The following SNX30 variants were observed in gnomAD, a reference collection of about 807,000 sequenced individuals.
SNX30 encodes sorting nexin family member 30.
Under a neutral mutation model 46.4 loss-of-function variants are expected in SNX30, and 24 were observed. The observed-to-expected ratio is 0.52, with a 90% CI of 0.37 to 0.73. The LOEUF (loss-of-function observed/expected upper bound fraction) is 0.73, where lower values mean the gene tolerates loss of function less well. Ranked by LOEUF, SNX30 falls within the 30% of genes least tolerant of loss-of-function variation. The pLI is 0.00. For synonymous variants in SNX30, 189 were observed against 211.5 expected, an observed-to-expected ratio of 0.89 and a Z score of 0.92; for missense variants, 533 against 555.7, an observed-to-expected ratio of 0.96 and a Z score of 0.41.
At chr9:112,798,032 C>T (rs1840139004) in intron 1 of SNX30, among the ~76,000 whole-genome samples, 1 of 151,022 alleles carries the variant, frequency 6.6e-6, no homozygotes, top group South Asian at 2.1e-4. Context: ...TAATGTTTAC[C>T]TGGGCCCACG....
chr9:112,806,516 T>C (rs1163648652), intron 2 of SNX30, among the ~76,000 whole-genome samples: 3 of 152,194 alleles, frequency 2.0e-5, no homozygotes, highest in East Asian at 1.9e-4. Context: ...GTGTCTTTTT[T>C]CTTTTTCATT....
At chr9:112,786,374 G>T (rs558501904) in intron 1 of SNX30, among the ~76,000 whole-genome samples, 1 of 152,212 alleles carries the variant, frequency 6.6e-6, no homozygotes, top group South Asian at 2.1e-4. Context: ...GCCTGCTGTA[G>T]CCTCCCAAAG....
At chr9:112,758,528 C>G (rs1413841624) in intron 1 of SNX30, among the ~76,000 whole-genome samples, 3 of 152,026 alleles carry the variant, frequency 2.0e-5, no homozygotes, top group Non-Finnish European at 2.9e-5. Flanking sequence ...TGGGGTTTCG[C>G]CATGTTGGCC....
intron 3 of SNX30, among the ~76,000 whole-genome samples, chr9:112,818,756 A>G (rs1840444854): frequency 6.6e-6 from 1 of 151,986 alleles, no homozygotes; most frequent in South Asian, 2.1e-4. Context: ...TTTTCCCCCC[A>G]TGGTTAGAAG....
chr9:112,797,734 G>T (rs2131396959), intron 1 of SNX30, among the ~76,000 whole-genome samples: 1 of 130,392 alleles, frequency 7.7e-6, no homozygotes, highest in East Asian at 2.2e-4. Flanking sequence ...TTTTGAGATG[G>T]AGTCTTGCTC....
rs534371485 is a variant in SNX30, at chr9:112,861,057, A to C, written c.1102-3190A>C. Reference sequence around the variant, plus strand: ...ATTGCAAGAGTGCAACAGGCAGATCAGCAGGAAGGGAGCTGACTGCCCAGA... The same window carrying C: ...ATTGCAAGAGTGCAACAGGCAGATCCGCAGGAAGGGAGCTGACTGCCCAGA... On this transcript the variant is annotated intron_variant, in intron 7 of 8. Transcript: ENST00000374232. Among the ~76,000 whole-genome samples, 8 of 152,356 alleles carry C rather than the reference A, an allele frequency of 5.3e-5. No homozygotes were observed. In the East Asian group the frequency reaches 1.3e-3, roughly 26 times the overall value.
At chr9:112,881,327 CTTT>C (rs1841574755) in intron 5 of SNX30, 1 of 152,378 alleles carries the variant, frequency 6.6e-6, no homozygotes, top group East Asian at 1.9e-4. Flanking sequence ...TTAAGGGAAA[CTTT>C]GTAGACACTT....
intron 1 of SNX30, among the ~76,000 whole-genome samples, chr9:112,763,866 T>G (rs1292736834): frequency 6.6e-6 from 1 of 150,620 alleles, no homozygotes; most frequent in Non-Finnish European, 1.5e-5. Flanking sequence ...AAAAAAAAAA[T>G]TATTTGTTTA....
At chr9:112,777,093 G>C (rs954480322) in intron 1 of SNX30, among the ~76,000 whole-genome samples, 1 of 151,902 alleles carries the variant, frequency 6.6e-6, no homozygotes, top group Non-Finnish European at 1.5e-5. Flanking sequence ...GACCTTTTAG[G>C]TTTTGGTTCC....
At chr9:112,827,372 G>A (rs754646360) in intron 3 of SNX30, among the ~76,000 whole-genome samples, 4 of 152,124 alleles carry the variant, frequency 2.6e-5, no homozygotes, top group Non-Finnish European at 4.4e-5. Flanking sequence ...AGAACTTGAC[G>A]GTAGGCAAAC....
At chr9:112,882,257 C>T (rs1264592749), downstream of SNX30, among the ~76,000 whole-genome samples, 2 of 152,194 alleles carry the variant, frequency 1.3e-5, no homozygotes, top group Non-Finnish European at 2.9e-5. Context: ...CAGGCATGCA[C>T]CACAATGCCT....
rs772058098 is a variant in SNX30 at position 112,850,952 on chromosome 9, G to C, written c.1101+7G>C. On this transcript the variant is annotated splice_region_variant and intron_variant, in intron 7 of 8. Transcript: ENST00000374232. ...GAAGGAAGACCGCCCCAAGGTCAGG[G>C]AAGCCACCTGGGAAGGGCTGCAAAG... The C allele has an allele frequency of 6.2e-7, 1 of 1,612,906 alleles. No homozygotes were observed. The highest frequency in any genetic ancestry group is 8.5e-7 in the Non-Finnish European group (1 of 1,179,008).
chr9:112,843,645 T>TTTA (rs1554755409), intron 6 of SNX30, among the ~76,000 whole-genome samples: 1 of 150,014 alleles, frequency 6.7e-6, no homozygotes, highest in Non-Finnish European at 1.5e-5. Context: ...TTTTTTTTTT[T>TTTA]AGACAGAGTC....
At chr9:112,826,796 C>A (rs940730667) in intron 3 of SNX30, among the ~76,000 whole-genome samples, 1 of 152,028 alleles carries the variant, frequency 6.6e-6, no homozygotes, top group Non-Finnish European at 1.5e-5. Flanking sequence ...CCTAAAGGAA[C>A]GGGGGAGAGA....
chr9:112,848,337 G>C (rs771180559), intron 6 of SNX30, among the ~76,000 whole-genome samples: 8 of 152,028 alleles, frequency 5.3e-5, no homozygotes, highest in Non-Finnish European at 8.8e-5. Context: ...CTGGGCTGGG[G>C]GCCCATCCTC....
Position 112,847,241 on chromosome 9 carries a change from TGTATCCCAGCCGTCCCGTGC to T in SNX30, c.1015-3600_1015-3581del, listed in dbSNP as rs879711300. ...ATAGAATGATAACAATAAACCCACA[TGTATCCCAGCCGTCCCGTGC>T]GTATCCCAGCCGTCCCGCGCATATC... On this transcript the variant is annotated intron_variant, in intron 6 of 8. Transcript: ENST00000374232. Among the ~76,000 whole-genome samples, 402 of 151,954 alleles carry T rather than the reference TGTATCCCAGCCGTCCCGTGC, an allele frequency of 2.6e-3. 4 individuals carry two copies. Among genetic ancestry groups the T allele is most frequent in the Admixed American group, 4.8e-3 (74 of 15,258 alleles).
At position 112,842,046 on chromosome 9, in the gene SNX30, TG is replaced by T. The variant is rs533251668; in HGVS notation, c.1014+3350del. ...GCAACCTCCACCTCCCGGGTTCAAG[TG>T]ATTCTCCTGCCTCAGGCTCCCGAGT... On this transcript the variant is annotated intron_variant, in intron 6 of 8. Transcript: ENST00000374232. Among the ~76,000 whole-genome samples the T allele has an allele frequency of 2.2e-3, 329 of 152,256 alleles. 2 individuals carry two copies. The highest frequency in any genetic ancestry group is 7.1e-3 in the African/African-American group (297 of 41,552).
intron 1 of SNX30, among the ~76,000 whole-genome samples, chr9:112,788,190 G>GT (rs879370903): frequency 3.8e-4 from 57 of 151,000 alleles, no homozygotes; most frequent in Middle Eastern, 3.4e-3. Context: ...TCACTTGAGT[G>GT]TTTTTTTTTG....
In SNX30 at chr9:112,847,342, A is replaced by G. The variant is rs886451110; in HGVS notation, c.1015-3517A>G. ...ACTCATCTGGTTCTGTCTCTCTGTC[A>G]CGCTGCTCCCAACTCCCACCCTGTG... On this transcript the variant is annotated intron_variant, in intron 6 of 8. Transcript: ENST00000374232. Among the ~76,000 whole-genome samples, 3 of 152,254 alleles carry G rather than the reference A, an allele frequency of 2.0e-5. No individual in the cohort carries two copies. In the South Asian group the frequency reaches 6.2e-4, roughly 32 times the overall value.
Sources: gnomAD v4.1 joint callset for allele counts (sites outside exome capture counted in the v4.1 genomes callset) on GRCh38, gnomAD v4.1.1 for gene constraint, MANE v1.5 for transcripts, NCBI Gene and HGNC (gene_info 2026-07-23, HGNC 2026-07-21) for gene names.